Variants in KITLG observed in about 807,000 individuals in gnomAD.
KITLG encodes the protein c-Kit ligand.
KITLG carries 13 observed loss-of-function variants against 34.1 expected under a neutral mutation model. The ratio of observed to expected loss-of-function variants is 0.38; its 90% confidence interval spans 0.25 to 0.61. The LOEUF (loss-of-function observed/expected upper bound fraction) is 0.61. KITLG is among the 20% of genes least tolerant of loss of function. The probability of loss-of-function intolerance (pLI) is 0.60; values close to 1 mark genes in which losing one functional copy is unlikely to be tolerated. For missense variants in KITLG, 292 were observed against 318.9 expected (o/e 0.92, Z 0.64); for synonymous variants, 110 against 104.0 (o/e 1.06, Z -0.35).
At chr12:88,515,777 T>C (rs551185124) in intron 5 of KITLG, among the ~76,000 whole-genome samples, 160 bp from the exon 6 acceptor site, 54 of 151,794 alleles carry the variant, frequency 3.6e-4, no homozygotes, top group Non-Finnish European at 6.6e-4. Flanking sequence ...TGCTATTCTA[T>C]TTTACTAAGA....
intron 1 of KITLG, among the ~76,000 whole-genome samples, chr12:88,554,743 T>C (rs995773479): frequency 6.6e-6 from 1 of 152,220 alleles, no homozygotes; most frequent in Non-Finnish European, 1.5e-5. Flanking sequence ...TCAGATCTTT[T>C]TAATTGCTTA....
At chr12:88,556,339 G>C (rs1045753868) in intron 1 of KITLG, among the ~76,000 whole-genome samples, 6 of 151,928 alleles carry the variant, frequency 3.9e-5, no homozygotes, top group Non-Finnish European at 5.9e-5. Context: ...GGAGTGTCAA[G>C]ATCTGATTTA....
intron 1 of KITLG, among the ~76,000 whole-genome samples, chr12:88,552,118 C>A (rs1285422545): frequency 6.6e-6 from 1 of 151,828 alleles, no homozygotes. Flanking sequence ...CATAGTCCAA[C>A]TGATACTTTG....
intron 1 of KITLG, among the ~76,000 whole-genome samples, chr12:88,546,923 G>C (rs1383321236): frequency 1.3e-5 from 2 of 152,182 alleles, no homozygotes; most frequent in African/African-American, 4.8e-5. Context: ...CCTTAAGGGG[G>C]AGAACCAGTT....
At chr12:88,531,330 A>G (rs932186084) in intron 3 of KITLG, among the ~76,000 whole-genome samples, 7 of 152,168 alleles carry the variant, frequency 4.6e-5, no homozygotes, top group African/African-American at 1.7e-4. Context: ...TACCACTAAG[A>G]GACAAACTGG....
chr12:88,568,076 A>G (rs191961242), intron 1 of KITLG, among the ~76,000 whole-genome samples: 1 of 136,492 alleles, frequency 7.3e-6, no homozygotes, highest in Admixed American at 7.7e-5. Context: ...TGGACAGTAT[A>G]GTATGTAGAG....
At chr12:88,509,645 G>C (rs1380123787) in intron 6 of KITLG, among the ~76,000 whole-genome samples, 1 of 152,172 alleles carries the variant, frequency 6.6e-6, no homozygotes, top group Non-Finnish European at 1.5e-5. Flanking sequence ...GTGGAGAGGA[G>C]GGTTGGGGGA....
chr12:88,578,823 C>T (rs1458772875), intron 1 of KITLG, among the ~76,000 whole-genome samples: 1 of 152,226 alleles, frequency 6.6e-6, no homozygotes, highest in Admixed American at 6.5e-5. Context: ...GAATAGGTCT[C>T]TACCCTTCTT....
chr12:88,575,255 G>A (rs939109194), intron 1 of KITLG, among the ~76,000 whole-genome samples: 6 of 152,086 alleles, frequency 3.9e-5, no homozygotes, highest in African/African-American at 1.4e-4. Context: ...GTTAATAAAA[G>A]AAATCAGCCT....
rs370445383 is a variant in KITLG at position 88,516,339 on chromosome 12, T to C, written c.515A>G (p.Glu172Gly). Residue 172 changes from glutamate to glycine, a missense_variant, in exon 5 of 10, where the codon GAG (glutamate) becomes GGG (glycine). Glu to Gly is a moderately conservative substitution (Grantham distance 98). Around this residue, in one of 2 missense-constraint regions of KITLG, gnomAD observed 152 missense variants for 207.9 expected, o/e 0.73. Transcript: ENST00000644744. ...DCVVSSTLSP[E>G]KDSRVSVTKP... ...GAAATGCTTACATGTCTTACCTTTC[T>C]CAGGACTTAATGTTGAAGAAACCAC... The C allele has an allele frequency of 6.2e-7, 1 of 1,610,398 alleles. No homozygotes were observed. The highest frequency in any genetic ancestry group is 1.3e-5 in the African/African-American group (1 of 74,788).
In KITLG at chr12:88,518,662, G is replaced by A. The variant is rs375920552; in HGVS notation, c.363+35C>T. 54 of 1,552,082 alleles carry A rather than the reference G, an allele frequency of 3.5e-5. No individual in the cohort carries two copies. In the East Asian group the frequency reaches 3.6e-4, roughly 10 times the overall value. ...AAGAAGCATGGGTTTTTAGAGAAGCGTAATGAAAAATAATCCCAATGAACA... is the reference window on the plus strand; with the variant it reads ...AAGAAGCATGGGTTTTTAGAGAAGCATAATGAAAAATAATCCCAATGAACA... On this transcript the variant is annotated intron_variant, in intron 4 of 9. Transcript: ENST00000644744.
intron 2 of KITLG, among the ~76,000 whole-genome samples, chr12:88,537,323 G>T (rs184296345): frequency 6.6e-6 from 1 of 151,934 alleles, no homozygotes. Flanking sequence ...CATGTCTTTC[G>T]CAGGAATATG....
chr12:88,541,927 G>A (rs1057220660), intron 2 of KITLG, among the ~76,000 whole-genome samples: 4 of 152,166 alleles, frequency 2.6e-5, no homozygotes, highest in African/African-American at 7.2e-5. Flanking sequence ...GCCACCTAAT[G>A]CAAAGATGAA....
chr12:88,493,357 T>C lies in KITLG; in HGVS notation c.*3862A>G, dbSNP rs1868479633. The C allele has an allele frequency of 6.6e-6, 1 of 152,258 alleles. No individual in the cohort carries two copies. Among genetic ancestry groups the C allele is most frequent in the African/African-American group, 2.4e-5 (1 of 41,398 alleles). The allele number at this position is 152,258 out of a possible 1,614,324, so 9.4% of individuals were successfully genotyped here. A position where few individuals can be genotyped will look rare whatever the true frequency, so the allele number is the denominator to read the frequency against. ...AGGATCACAAATATCCATTTTAGCA[T>C]GGATTATTTCTTGAAAAAAACACCT... On this transcript the variant is annotated 3_prime_UTR_variant, in exon 10 of 10. Coordinates refer to ENST00000644744, the MANE Select transcript of KITLG (RefSeq NM_000899.5).
At chr12:88,541,816 TA>T (rs113259992) in intron 2 of KITLG, among the ~76,000 whole-genome samples, 6 of 151,340 alleles carry the variant, frequency 4.0e-5, no homozygotes, top group African/African-American at 7.3e-5. Context: ...AAGAAGAAAT[TA>T]AAAAAAAAAT....
At chr12:88,499,296 C>T (rs906789640) in intron 9 of KITLG, among the ~76,000 whole-genome samples, 5 of 152,166 alleles carry the variant, frequency 3.3e-5, no homozygotes, top group African/African-American at 1.2e-4. Flanking sequence ...ACAGGTCTTG[C>T]TATTTGGTAA....
intron 1 of KITLG, among the ~76,000 whole-genome samples, chr12:88,554,345 A>G (rs1201570977): frequency 6.6e-6 from 1 of 152,236 alleles, no homozygotes; most frequent in African/African-American, 2.4e-5. Flanking sequence ...GTCAGGGTCC[A>G]TATTACAGAC....
At chr12:88,502,423 A>C (rs1368807048) in intron 9 of KITLG, among the ~76,000 whole-genome samples, 2 of 152,212 alleles carry the variant, frequency 1.3e-5, no homozygotes, top group Admixed American at 6.6e-5. Context: ...CTACTTCAGA[A>C]GAACAATCTT....
intron 2 of KITLG, among the ~76,000 whole-genome samples, chr12:88,541,926 T>C (rs1870532952): frequency 6.6e-6 from 1 of 152,176 alleles, no homozygotes; most frequent in Non-Finnish European, 1.5e-5. Flanking sequence ...TGCCACCTAA[T>C]GCAAAGATGA....
Sources: gnomAD v4.1 joint callset for allele counts (sites outside exome capture counted in the v4.1 genomes callset) on GRCh38, gnomAD v4.1.1 for gene constraint, gnomAD v4.1.1 regional missense constraint, MANE v1.5 for transcripts, NCBI Gene and HGNC (gene_info 2026-07-23, HGNC 2026-07-21) for gene names.